Variants in SORCS2 observed in about 807,000 individuals in gnomAD.
The protein encoded by SORCS2 is VPS10 domain-containing receptor SorCS2.
A neutral mutation model predicts 141.6 loss-of-function variants in SORCS2; 100 were observed. The ratio of observed to expected loss-of-function variants is 0.71; its 90% CI spans 0.60 to 0.83. The LOEUF is 0.83. Among genes scored for constraint, SORCS2 ranks in the 40% least tolerant of loss-of-function variants. The probability of loss-of-function intolerance (pLI) is 0.00; values close to 1 mark genes in which losing one functional copy is unlikely to be tolerated. For synonymous variants in SORCS2, 789 were observed against 676.9 expected (o/e 1.17, Z -2.57); for missense variants, 1,646 against 1,560.2 (o/e 1.05, Z -0.93).
chr4:7,703,311 T>C lies in SORCS2; in HGVS notation c.1700T>C (p.Leu567Pro), dbSNP rs775376815. 1 of 1,613,258 alleles carries C rather than the reference T, an allele frequency of 6.2e-7. No homozygotes were observed. The highest frequency in any genetic ancestry group is 8.5e-7 in the Non-Finnish European group (1 of 1,179,676). ...GAGGAAGAGCATCACATCCTGTACC[T>C]GGACCACGGCGGCGTGATCGTGGCC... The part of the protein sequence containing the change: ...VFEEEHHILY[L>P]DHGGVIVAIK... Residue 567 changes from leucine to proline, a missense_variant, in exon 13 of 27, where the codon CTG (leucine) becomes CCG (proline). Physicochemically the swap from Leu to Pro is moderately conservative, Grantham distance 98. Transcript: ENST00000507866.
chr4:7,502,273 G>C (rs926054655), intron 2 of SORCS2, among the ~76,000 whole-genome samples: 1 of 152,220 alleles, frequency 6.6e-6, no homozygotes, highest in Non-Finnish European at 1.5e-5. Flanking sequence ...AAGCCAGCAC[G>C]AGGCTTCGCC....
chr4:7,603,350 G>A (rs541306396), intron 3 of SORCS2, among the ~76,000 whole-genome samples: 69 of 152,268 alleles, frequency 4.5e-4, no homozygotes, highest in African/African-American at 1.6e-3. Flanking sequence ...TGATTGTAAT[G>A]AGGTTCTGAA....
chr4:7,724,316 G>GTGGTGGTGA (rs1456178295), intron 19 of SORCS2, among the ~76,000 whole-genome samples: 3,051 of 134,140 alleles, frequency 0.023, 3 homozygotes, highest in African/African-American at 0.089. Context: ...GGTGGTGGTG[G>GTGGTGGTGA]TGGTGGTGAT....
At chr4:7,474,401 G>A (rs1202531039) in intron 2 of SORCS2, among the ~76,000 whole-genome samples, 1 of 152,184 alleles carries the variant, frequency 6.6e-6, no homozygotes, top group Non-Finnish European at 1.5e-5. Context: ...ATGTCAGGGA[G>A]CTCTTATGCA....
chr4:7,296,473 G>A (rs2108889679), intron 1 of SORCS2, among the ~76,000 whole-genome samples: 1 of 152,314 alleles, frequency 6.6e-6, no homozygotes, highest in African/African-American at 2.4e-5. Context: ...GGCAGAGACA[G>A]AGAGGGTTGG....
chr4:7,306,115 G>T (rs1248509284), intron 1 of SORCS2, among the ~76,000 whole-genome samples: 1 of 152,158 alleles, frequency 6.6e-6, no homozygotes, highest in Non-Finnish European at 1.5e-5. Flanking sequence ...GTTCCACCCT[G>T]TCCCCATCCC....
intron 1 of SORCS2, among the ~76,000 whole-genome samples, chr4:7,306,284 G>A (rs534004092): frequency 1.3e-4 from 20 of 152,260 alleles, no homozygotes; most frequent in Admixed American, 8.5e-4. Flanking sequence ...AGTGGGCTCC[G>A]GGGTAGGCTT....
chr4:7,342,586 A>G (rs1316345041), intron 1 of SORCS2, among the ~76,000 whole-genome samples: 1 of 152,006 alleles, frequency 6.6e-6, no homozygotes, highest in African/African-American at 2.4e-5. Context: ...AGGGAGGTGG[A>G]GGCGAACCTT....
At chr4:7,622,036 C>T (rs990190357) in intron 3 of SORCS2, among the ~76,000 whole-genome samples, 3 of 152,136 alleles carry the variant, frequency 2.0e-5, no homozygotes, top group Non-Finnish European at 4.4e-5. Context: ...ATTCTGGCCT[C>T]AGTAAGGCCT....
chr4:7,689,648 A>G (rs76278311), intron 11 of SORCS2, 60 bp downstream of exon 11: 51,438 of 1,458,392 alleles, frequency 0.035, 1,060 homozygotes, highest in Non-Finnish European at 0.041. Flanking sequence ...AGTACCTCCA[A>G]TCTTAAGGGT....
At chr4:7,675,922 C>G in intron 8 of SORCS2, 128 bp from the exon 9 acceptor site, 3 of 1,095,036 alleles carry the variant, frequency 2.7e-6, no homozygotes, top group Admixed American at 4.7e-5. Context: ...GGAGGCAAAC[C>G]TAGGCCAGGC....
chr4:7,739,089 C>T (rs1407206662), intron 26 of SORCS2, among the ~76,000 whole-genome samples: 1 of 152,234 alleles, frequency 6.6e-6, no homozygotes, highest in African/African-American at 2.4e-5. Context: ...CAGTCATCGA[C>T]ATTGCGCCCA....
intron 1 of SORCS2, among the ~76,000 whole-genome samples, chr4:7,243,050 T>C (rs4689100): frequency 0.71 from 100,192 of 141,128 alleles, 33,787 homozygotes; most frequent in Admixed American, 0.76. Context: ...CCCCTGGGGG[T>C]TGAGGGTTGG....
intron 1 of SORCS2, among the ~76,000 whole-genome samples, chr4:7,252,457 T>G (rs935639298): frequency 1.3e-5 from 2 of 152,242 alleles, no homozygotes; most frequent in Non-Finnish European, 2.9e-5. Context: ...CACCCCCTTC[T>G]CTTTTTTTGG....
At chr4:7,241,415 C>T (rs1712690002) in intron 1 of SORCS2, among the ~76,000 whole-genome samples, 1 of 152,108 alleles carries the variant, frequency 6.6e-6, no homozygotes, top group Non-Finnish European at 1.5e-5. Flanking sequence ...TCCCAGTGGC[C>T]CTATAGACCT....
At chr4:7,570,435 G>C (rs1349990548) in intron 3 of SORCS2, among the ~76,000 whole-genome samples, 1 of 152,234 alleles carries the variant, frequency 6.6e-6, no homozygotes, top group Non-Finnish European at 1.5e-5. Flanking sequence ...CTGAGGGTTC[G>C]CTGGGTGCTC....
At position 7,540,375 on chromosome 4, in the gene SORCS2, T is replaced by C. The variant is rs559650274; in HGVS notation, c.648+8746T>C. On this transcript the variant is annotated intron_variant, in intron 3 of 26. Coordinates refer to ENST00000507866, the MANE Select transcript of SORCS2 (RefSeq NM_020777.3). ...TCCCGTGGACATAGGACCCCAGCCT[T>C]CTTCTGTGGCTAGGAAACCCTGTGA... is the stretch of plus-strand genomic sequence containing the variant. 1.1e-3 allele frequency among the ~76,000 whole-genome samples: 163 copies of C among 152,080 alleles called. 1 individual carries two copies. Among genetic ancestry groups the C allele is most frequent in the Non-Finnish European group, 6.3e-4 (43 of 67,990 alleles).
At chr4:7,714,215 C>T (rs2109039870) in intron 15 of SORCS2, 25 bp from the exon 16 acceptor site, 2 of 1,604,168 alleles carry the variant, frequency 1.2e-6, no homozygotes, top group Non-Finnish European at 1.7e-6. Flanking sequence ...TCAGGCAGCT[C>T]CTTACCCTGA....
intron 23 of SORCS2, 22 bp downstream of exon 23, chr4:7,729,734 C>T: frequency 6.2e-7 from 1 of 1,602,772 alleles, no homozygotes; most frequent in Non-Finnish European, 8.5e-7. Context: ...GGCCGCTGCA[C>T]TCCCAGGTCC....
Sources: gnomAD v4.1 joint callset for allele counts (sites outside exome capture counted in the v4.1 genomes callset) on GRCh38, gnomAD v4.1.1 for gene constraint, MANE v1.5 for transcripts, NCBI Gene and HGNC (gene_info 2026-07-23, HGNC 2026-07-21) for gene names.